Variants in ANKS1B observed in about 807,000 individuals in gnomAD.
The protein encoded by ANKS1B is ankyrin repeat and sterile alpha motif domain containing 1B.
Under a neutral mutation model 148.3 loss-of-function variants are expected in ANKS1B, and 36 were observed. That is an observed-to-expected ratio of 0.24 (90% CI 0.19 to 0.32). The LOEUF is 0.32. Among genes scored for constraint, ANKS1B ranks in the 10% least tolerant of loss-of-function variants. ANKS1B has a pLI of 1.00. For synonymous variants in ANKS1B, 542 were observed against 560.8 expected (o/e 0.97, Z 0.47); for missense variants, 1,157 against 1,542.6 (o/e 0.75, Z 4.19).
At chr12:99,409,923 C>T (rs1006253709) in intron 11 of ANKS1B, among the ~76,000 whole-genome samples, 8 of 152,216 alleles carry the variant, frequency 5.3e-5, no homozygotes, top group Admixed American at 2.0e-4. Flanking sequence ...ATGAATTGCA[C>T]TTGTGTTCGT....
At chr12:99,835,792 T>G (rs987021715) in intron 1 of ANKS1B, among the ~76,000 whole-genome samples, 2 of 152,172 alleles carry the variant, frequency 1.3e-5, no homozygotes, top group African/African-American at 2.4e-5. Context: ...ATGAAAAAGC[T>G]TTCTAGTATA....
chr12:99,399,546 T>G, intron 12 of ANKS1B, 85 bp downstream of exon 12: 2 of 1,420,152 alleles, frequency 1.4e-6, no homozygotes, highest in Non-Finnish European at 1.9e-6. Flanking sequence ...ATGCAATTTG[T>G]ACGAAGACTC....
chr12:99,895,002 C>A (rs377721851), intron 1 of ANKS1B, among the ~76,000 whole-genome samples: 1 of 150,622 alleles, frequency 6.6e-6, no homozygotes, highest in East Asian at 1.9e-4. Flanking sequence ...AATCCCATCA[C>A]AAATCAAGGA....
At chr12:99,498,946 G>C (rs2152990495) in intron 10 of ANKS1B, among the ~76,000 whole-genome samples, 1 of 152,306 alleles carries the variant, frequency 6.6e-6, no homozygotes, top group East Asian at 1.9e-4. Context: ...TGAGTCACAA[G>C]GGACTAGTCA....
intron 1 of ANKS1B, among the ~76,000 whole-genome samples, chr12:99,842,383 A>C (rs2085889151): frequency 6.6e-6 from 1 of 152,136 alleles, no homozygotes; most frequent in South Asian, 2.1e-4. Context: ...ATGTGACAAA[A>C]GTTCTTTGAT....
chr12:99,225,121 A>G (rs1202966078), intron 14 of ANKS1B, among the ~76,000 whole-genome samples: 1 of 152,212 alleles, frequency 6.6e-6, no homozygotes, highest in Non-Finnish European at 1.5e-5. Context: ...ACCTGGCTAT[A>G]TATAAATCAT....
At chr12:99,820,170 C>A (rs186785218) in intron 2 of ANKS1B, among the ~76,000 whole-genome samples, 1 of 151,792 alleles carries the variant, frequency 6.6e-6, no homozygotes, top group East Asian at 1.9e-4. Context: ...TCTGTGATTA[C>A]AAATAACCCA....
At chr12:99,963,920 TCA>T (rs910590112) in intron 1 of ANKS1B, among the ~76,000 whole-genome samples, 1 of 152,212 alleles carries the variant, frequency 6.6e-6, no homozygotes, top group African/African-American at 2.4e-5. Context: ...TTCTGCAAAC[TCA>T]ACTTCTTCAG....
chr12:99,838,334 C>T (rs1360802668), intron 1 of ANKS1B, among the ~76,000 whole-genome samples: 1 of 152,090 alleles, frequency 6.6e-6, no homozygotes, highest in African/African-American at 2.4e-5. Flanking sequence ...GAGATATTTC[C>T]ATGAAGTTTT....
chr12:98,735,642 A>C (rs1478877033), intron 9 of ANKS1B: 1 of 764,026 alleles, frequency 1.3e-6, no homozygotes, highest in African/African-American at 1.7e-5. Context: ...ATCCTGTAAA[A>C]AAGAGAATTC....
At chr12:99,237,332 G>A (rs2088195725) in intron 14 of ANKS1B, among the ~76,000 whole-genome samples, 3 of 151,982 alleles carry the variant, frequency 2.0e-5, no homozygotes, top group Admixed American at 6.6e-5. Context: ...GTATATATAT[G>A]TGTGTGTATG....
At chr12:99,718,543 C>G (rs996305308) in intron 8 of ANKS1B, among the ~76,000 whole-genome samples, 1 of 152,352 alleles carries the variant, frequency 6.6e-6, no homozygotes, top group South Asian at 2.1e-4. Context: ...TGGCCTGTTA[C>G]AGCATGGGCT....
chr12:99,009,052 T>C (rs942903780), intron 17 of ANKS1B, among the ~76,000 whole-genome samples: 5 of 152,198 alleles, frequency 3.3e-5, no homozygotes, highest in Non-Finnish European at 4.4e-5. Context: ...GCAAGGAAGA[T>C]GCATTGAGAA....
intron 12 of ANKS1B, among the ~76,000 whole-genome samples, chr12:99,396,845 G>A (rs1315947979): frequency 2.0e-5 from 3 of 152,048 alleles, no homozygotes; most frequent in Non-Finnish European, 2.9e-5. Flanking sequence ...TCAGAAAATC[G>A]ATCATCCCCA....
intron 8 of ANKS1B, among the ~76,000 whole-genome samples, chr12:99,769,679 A>C (rs2063009248): frequency 6.6e-6 from 1 of 152,192 alleles, no homozygotes; most frequent in African/African-American, 2.4e-5. Context: ...GAAAGTCATA[A>C]AAGCTCCCTG....
chr12:99,446,531 C>G (rs1299075692), intron 10 of ANKS1B, among the ~76,000 whole-genome samples: 1 of 151,990 alleles, frequency 6.6e-6, no homozygotes, highest in African/African-American at 2.4e-5. Flanking sequence ...AAACTCATCT[C>G]AAAGTTATAT....
intron 10 of ANKS1B, among the ~76,000 whole-genome samples, chr12:99,444,348 G>T (rs2095600323): frequency 2.0e-5 from 3 of 151,788 alleles, no homozygotes; most frequent in African/African-American, 7.3e-5. Flanking sequence ...TGTGCAAAAT[G>T]GTTTTATGAT....
chr12:99,480,536 ATTAT>A (rs1265325919), intron 10 of ANKS1B, among the ~76,000 whole-genome samples: 1 of 151,818 alleles, frequency 6.6e-6, no homozygotes. Flanking sequence ...CATGAGTTTG[ATTAT>A]TTAGGCTATG....
intron 17 of ANKS1B, among the ~76,000 whole-genome samples, chr12:99,009,436 G>A (rs1047386493): frequency 3.3e-5 from 5 of 152,140 alleles, no homozygotes; most frequent in African/African-American, 9.7e-5. Context: ...CTGAGCTCTC[G>A]GTTCTATGCC....
Sources: gnomAD v4.1 joint callset for allele counts (sites outside exome capture counted in the v4.1 genomes callset) on GRCh38, gnomAD v4.1.1 for gene constraint, MANE v1.5 for transcripts, NCBI Gene and HGNC (gene_info 2026-07-23, HGNC 2026-07-21) for gene names.